Variants in STMN4 observed in about 807,000 individuals in gnomAD.
STMN4 encodes the protein stathmin-4.
A neutral mutation model predicts 29.1 loss-of-function variants in STMN4; 12 were observed. The ratio of observed to expected loss-of-function variants is 0.41; its 90% CI spans 0.26 to 0.67. STMN4 has a LOEUF of 0.67. Among genes scored for constraint, STMN4 ranks in the 30% least tolerant of loss-of-function variants. The probability of loss-of-function intolerance (pLI) is 0.30; values close to 1 mark genes in which losing one functional copy is unlikely to be tolerated. For synonymous variants in STMN4, 114 were observed against 105.3 expected (o/e 1.08, Z -0.51); for missense variants, 181 against 262.8 (o/e 0.69, Z 2.15).
chr8:27,242,285 G>A (rs1158959264), intron 3 of STMN4, 112 bp downstream of exon 3: 4 of 1,087,650 alleles, frequency 3.7e-6, no homozygotes, highest in Non-Finnish European at 5.5e-6. Context: ...CACTGGGAAG[G>A]AAACTGTCTC....
intron 2 of STMN4, among the ~76,000 whole-genome samples, 161 bp from the exon 3 acceptor site, chr8:27,242,653 G>A (rs1430183080): frequency 2.6e-5 from 4 of 152,184 alleles, no homozygotes; most frequent in Non-Finnish European, 2.9e-5. Flanking sequence ...GCCCTGAGCC[G>A]TGCTGTTCAG....
chr8:27,237,803 T>C (rs1192825810), intron 6 of STMN4, among the ~76,000 whole-genome samples: 1 of 152,212 alleles, frequency 6.6e-6, no homozygotes, highest in Non-Finnish European at 1.5e-5. Context: ...ACCCCTCAAG[T>C]TGTGATGTTT....
chr8:27,251,963 C>G (rs966509163), intron 1 of STMN4, among the ~76,000 whole-genome samples: 1 of 151,668 alleles, frequency 6.6e-6, no homozygotes, highest in Non-Finnish European at 1.5e-5. Context: ...CTCCCCCCTT[C>G]CCCCATTCCA....
At chr8:27,239,348 C>CAGG in intron 6 of STMN4, 1 of 1,510,150 alleles carries the variant, frequency 6.6e-7, no homozygotes, top group Non-Finnish European at 8.9e-7. Flanking sequence ...CCTTGAGACT[C>CAGG]AGGAAATGAG....
At chr8:27,238,476 C>T (rs1021844392) in intron 6 of STMN4, among the ~76,000 whole-genome samples, 1 of 152,252 alleles carries the variant, frequency 6.6e-6, no homozygotes, top group African/African-American at 2.4e-5. Context: ...AGCCATCACT[C>T]TACAATATGG....
chr8:27,238,968 C>G (rs927010925), intron 6 of STMN4, among the ~76,000 whole-genome samples: 1 of 152,238 alleles, frequency 6.6e-6, no homozygotes, highest in Non-Finnish European at 1.5e-5. Context: ...AGAGTTTGCT[C>G]CAAGTCATCC....
At chr8:27,248,802 C>T (rs577112135) in intron 1 of STMN4, among the ~76,000 whole-genome samples, 4 of 152,170 alleles carry the variant, frequency 2.6e-5, no homozygotes, top group African/African-American at 4.8e-5. Flanking sequence ...GGTTCTGCTG[C>T]GAGTGTAAAA....
At chr8:27,248,470 A>C (rs1422159777) in intron 1 of STMN4, among the ~76,000 whole-genome samples, 1 of 152,172 alleles carries the variant, frequency 6.6e-6, no homozygotes, top group Non-Finnish European at 1.5e-5. Context: ...ACAGAATGCT[A>C]GAATAGGAAC....
chr8:27,241,989 C>G, intron 3 of STMN4: 1 of 594,190 alleles, frequency 1.7e-6, no homozygotes, highest in Non-Finnish European at 3.0e-6. Flanking sequence ...CCTCTGGACT[C>G]TCCCAGAGCA....
chr8:27,250,936 T>C (rs1463840661), intron 1 of STMN4, among the ~76,000 whole-genome samples: 1 of 152,186 alleles, frequency 6.6e-6, no homozygotes, highest in Non-Finnish European at 1.5e-5. Flanking sequence ...TTCTGGGCAA[T>C]TTTTATTTCC....
At chr8:27,241,336 A>G (rs952875718) in intron 4 of STMN4, 74 bp from the exon 5 acceptor site, 18 of 1,579,580 alleles carry the variant, frequency 1.1e-5, no homozygotes, top group Non-Finnish European at 1.5e-5. Flanking sequence ...CGGCGCATGC[A>G]CACGGGAGTG....
intron 1 of STMN4, among the ~76,000 whole-genome samples, chr8:27,244,406 C>T (rs1036325307): frequency 6.6e-6 from 1 of 152,124 alleles, no homozygotes; most frequent in Admixed American, 6.5e-5. Context: ...GGAATCATGT[C>T]GTCATCACAG....
chr8:27,254,067 G>A (rs953223312), intron 1 of STMN4, among the ~76,000 whole-genome samples: 1 of 152,206 alleles, frequency 6.6e-6, no homozygotes, highest in African/African-American at 2.4e-5. Flanking sequence ...ACAGGTGTGA[G>A]CCATCGTGCC....
chr8:27,241,339 C>A, intron 4 of STMN4, 77 bp from the exon 5 acceptor site: 1 of 1,578,302 alleles, frequency 6.3e-7, no homozygotes, highest in South Asian at 1.1e-5. Flanking sequence ...CGCATGCACA[C>A]GGGAGTGGGA....
intron 6 of STMN4, among the ~76,000 whole-genome samples, chr8:27,237,733 C>G (rs1350081277): frequency 6.6e-6 from 1 of 152,208 alleles, no homozygotes; most frequent in African/African-American, 2.4e-5. Flanking sequence ...TGGCTCACTT[C>G]TCCAACCAGG....
chr8:27,239,523 A>T (rs531155440), intron 6 of STMN4: 110 of 710,370 alleles, frequency 1.5e-4, no homozygotes, highest in Non-Finnish European at 2.3e-4. Context: ...GTTTAGAGAG[A>T]ATCATGTTTC....
chr8:27,236,959 A>C, intron 6 of STMN4, 54 bp from the exon 7 acceptor site: 1 of 1,571,818 alleles, frequency 6.4e-7, no homozygotes, highest in Non-Finnish European at 8.6e-7. Context: ...CCGGGGACAA[A>C]AAGGGAGGCC....
Position 27,241,765 on chromosome 8 carries a change from GA to G in STMN4, c.110-9del, listed in dbSNP as rs1801482677. The G allele has an allele frequency of 6.2e-7, 1 of 1,614,180 alleles. No individual in the cohort carries two copies. Among genetic ancestry groups the G allele is most frequent in the Non-Finnish European group, 8.5e-7 (1 of 1,180,010 alleles). ...ACTGTCTCCCACACCAGCCTAGACA[GA>G]AAAAACAACCTCAGGTCATCCGAGC... On this transcript the variant is annotated splice_polypyrimidine_tract_variant and intron_variant, in intron 3 of 6. Transcript: ENST00000350889.
intron 1 of STMN4, among the ~76,000 whole-genome samples, chr8:27,251,430 G>C (rs187474371): frequency 6.6e-6 from 1 of 151,668 alleles, no homozygotes; most frequent in African/African-American, 2.4e-5. Flanking sequence ...AGTGTGCAAG[G>C]CATGTGACCC....
Sources: allele counts gnomAD v4.1 joint callset (sites outside exome capture counted in the v4.1 genomes callset), GRCh38; gene constraint gnomAD v4.1.1; transcripts MANE v1.5; gene names NCBI Gene and HGNC (gene_info 2026-07-23, HGNC 2026-07-21).